FAM184B: variants seen among roughly 807,000 people sequenced by gnomAD.
FAM184B encodes protein FAM184B.
A neutral mutation model predicts 135.9 loss-of-function variants in FAM184B; 111 were observed. The observed-to-expected ratio is 0.82, with a 90% CI of 0.70 to 0.96. FAM184B has a LOEUF of 0.96. FAM184B is among the 40% of genes least tolerant of loss of function. The pLI, the probability that FAM184B is intolerant of heterozygous loss-of-function variation, is 0.00. For synonymous variants in FAM184B, 552 were observed against 524.8 expected, an observed-to-expected ratio of 1.05 and a Z score of -0.71; for missense variants, 1,375 against 1,323.9, an observed-to-expected ratio of 1.04 and a Z score of -0.60.
At chr4:17,679,799 TAA>T (rs34656380) in intron 7 of FAM184B, among the ~76,000 whole-genome samples, 1 of 151,648 alleles carries the variant, frequency 6.6e-6, no homozygotes, top group Non-Finnish European at 1.5e-5. Flanking sequence ...AATGAGTGGT[TAA>T]AAAAAAATTG....
At position 17,630,108 on chromosome 4, in the gene FAM184B, T is replaced by C. The variant is rs1051547477; in HGVS notation, c.*2424A>G. The C allele has an allele frequency of 6.6e-6, 1 of 152,142 alleles. No homozygotes were observed. Among genetic ancestry groups the C allele is most frequent in the Non-Finnish European group, 1.5e-5 (1 of 68,028 alleles). The allele number at this position is 152,142 out of a possible 1,614,324, so 9.4% of individuals were successfully genotyped here. A position where few individuals can be genotyped will look rare whatever the true frequency, so the allele number is the denominator to read the frequency against. Reference sequence around the variant, plus strand: ...TATGTACGATCTCAACTAGTAAAATTTTCTCCTTGCCCAGGGATCATGCTG... The same window carrying C: ...TATGTACGATCTCAACTAGTAAAATCTTCTCCTTGCCCAGGGATCATGCTG... On this transcript the variant is annotated 3_prime_UTR_variant, in exon 18 of 18. Coordinates refer to ENST00000265018, the MANE Select transcript of FAM184B (RefSeq NM_015688.2).
At chr4:17,746,258 T>C (rs1718158913) in intron 1 of FAM184B, among the ~76,000 whole-genome samples, 1 of 151,560 alleles carries the variant, frequency 6.6e-6, no homozygotes, top group Non-Finnish European at 1.5e-5. Context: ...TGCACCTGAC[T>C]GCTACAAAAA....
At chr4:17,643,470 G>T (rs535996337) in intron 12 of FAM184B, among the ~76,000 whole-genome samples, 1 of 152,098 alleles carries the variant, frequency 6.6e-6, no homozygotes, top group South Asian at 2.1e-4. Context: ...CATGTACTCA[G>T]TGCTCCTTGG....
rs71167338 is a variant in FAM184B, at chr4:17,774,992, CTTTTTTTTTTTT to C, written c.141+6155_141+6166del. On this transcript the variant is annotated intron_variant, in intron 1 of 17. Coordinates refer to ENST00000265018, the MANE Select transcript of FAM184B (RefSeq NM_015688.2). Reference sequence around the variant, plus strand: ...CCTAAGAATAAGATATTTTCCTTTTCTTTTTTTTTTTTTTTTTTTTTTTGAGATGGAGTCTTG... The same window carrying C: ...CCTAAGAATAAGATATTTTCCTTTTCTTTTTTTTTTTGAGATGGAGTCTTG... 1.2e-4 allele frequency among the ~76,000 whole-genome samples: 10 copies of C among 81,748 alleles called. No homozygotes were observed. In the East Asian group the frequency reaches 2.4e-3, roughly 20 times the overall value. 53.6% of individuals were successfully genotyped at this position (81,748 alleles called of 152,430 possible). A position where few individuals can be genotyped will look rare whatever the true frequency, so the allele number is the denominator to read the frequency against.
intron 1 of FAM184B, among the ~76,000 whole-genome samples, chr4:17,737,037 C>T (rs187865018): frequency 4.0e-4 from 61 of 151,806 alleles, no homozygotes; most frequent in Non-Finnish European, 7.6e-4. Flanking sequence ...CCCAGCTACT[C>T]GGGAAGCTGA....
chr4:17,714,828 A>G (rs1413889559), intron 1 of FAM184B, among the ~76,000 whole-genome samples: 1 of 152,098 alleles, frequency 6.6e-6, no homozygotes, highest in Non-Finnish European at 1.5e-5. Flanking sequence ...TGGGCTCACA[A>G]TGTCTAAGGG....
intron 14 of FAM184B, among the ~76,000 whole-genome samples, chr4:17,638,556 A>G (rs1415172586): frequency 1.3e-5 from 2 of 152,094 alleles, no homozygotes; most frequent in Non-Finnish European, 2.9e-5. Flanking sequence ...CTATGAGAGC[A>G]TTGTCTTTGT....
rs889365356 is a variant in FAM184B at position 17,765,408 on chromosome 4, T to C, written c.141+15751A>G. Among the ~76,000 whole-genome samples the C allele has an allele frequency of 9.9e-5, 15 of 152,254 alleles. No individual in the cohort carries two copies. The East Asian group carries it at 1.5e-3, about 16-fold the overall frequency. On this transcript the variant is annotated intron_variant, in intron 1 of 17. Coordinates refer to ENST00000265018, the MANE Select transcript of FAM184B (RefSeq NM_015688.2). ...GGCCACTACAATATTGATTATAATA[T>C]TGATTATATTAATATTGATTATAAT...
intron 7 of FAM184B, among the ~76,000 whole-genome samples, chr4:17,682,184 G>A (rs895727545): frequency 1.3e-5 from 2 of 152,108 alleles, no homozygotes; most frequent in African/African-American, 4.8e-5. Context: ...CTTCTCCACC[G>A]CCCGTTCAGT....
intron 1 of FAM184B, among the ~76,000 whole-genome samples, chr4:17,723,849 T>G (rs1717584131): frequency 6.6e-6 from 1 of 152,180 alleles, no homozygotes; most frequent in Non-Finnish European, 1.5e-5. Context: ...AGAGCTCATT[T>G]CTGAAAGCGT....
chr4:17,727,177 A>G (rs568704967), intron 1 of FAM184B, among the ~76,000 whole-genome samples: 11 of 152,302 alleles, frequency 7.2e-5, no homozygotes, highest in African/African-American at 2.4e-4. Context: ...GAGGAGACAG[A>G]ACAAAAGATT....
At chr4:17,714,887 C>T (rs1717373660) in intron 1 of FAM184B, among the ~76,000 whole-genome samples, 2 of 152,020 alleles carry the variant, frequency 1.3e-5, no homozygotes, top group Admixed American at 1.3e-4. Flanking sequence ...ACCAAAGTCC[C>T]CAAATCCAAC....
chr4:17,721,995 A>T (rs1309888021), intron 1 of FAM184B, among the ~76,000 whole-genome samples: 3 of 152,204 alleles, frequency 2.0e-5, no homozygotes, highest in African/African-American at 4.8e-5. Context: ...TCTGGTTGAG[A>T]TGCAGGCAGG....
chr4:17,634,883 G>GTT, intron 16 of FAM184B, 126 bp downstream of exon 16: 2 of 572,978 alleles, frequency 3.5e-6, no homozygotes, highest in East Asian at 3.3e-5. Flanking sequence ...TAAACAAGTG[G>GTT]GTTTTTTTTT....
chr4:17,779,212 ATAAATCCCTGTGGAT>A (rs1718988016), intron 1 of FAM184B, among the ~76,000 whole-genome samples: 1 of 152,226 alleles, frequency 6.6e-6, no homozygotes, highest in Non-Finnish European at 1.5e-5. Context: ...AGTAATCGCA[ATAAATCCCTGTGGAT>A]TAAATTCATC....
intron 1 of FAM184B, among the ~76,000 whole-genome samples, chr4:17,756,574 A>G (rs1718426401): frequency 6.6e-6 from 1 of 152,240 alleles, no homozygotes; most frequent in Non-Finnish European, 1.5e-5. Flanking sequence ...CCGTACCACC[A>G]GCTAACCAAA....
intron 1 of FAM184B, among the ~76,000 whole-genome samples, chr4:17,774,995 T>C (rs1718896152): frequency 7.6e-6 from 1 of 131,172 alleles, no homozygotes; most frequent in African/African-American, 2.9e-5. Flanking sequence ...TCCTTTTCTT[T>C]TTTTTTTTTT....
intron 7 of FAM184B, among the ~76,000 whole-genome samples, chr4:17,677,514 G>A (rs554359747): frequency 2.0e-5 from 3 of 152,184 alleles, no homozygotes; most frequent in South Asian, 2.1e-4. Context: ...CCAATAACAA[G>A]CAGCAAGACT....
At chr4:17,759,659 A>C (rs1718498742) in intron 1 of FAM184B, among the ~76,000 whole-genome samples, 1 of 151,948 alleles carries the variant, frequency 6.6e-6, no homozygotes, top group African/African-American at 2.4e-5. Flanking sequence ...CATCCAGCTA[A>C]CTTTTTTTGT....
Sources: gnomAD v4.1 joint callset for allele counts (sites outside exome capture counted in the v4.1 genomes callset) on GRCh38, gnomAD v4.1.1 for gene constraint, MANE v1.5 for transcripts, NCBI Gene and HGNC (gene_info 2026-07-23, HGNC 2026-07-21) for gene names.